Variants in POLR2B observed in about 807,000 individuals in gnomAD.
The protein encoded by POLR2B is DNA-directed RNA polymerase II subunit RPB2.
A neutral mutation model predicts 144.6 loss-of-function variants in POLR2B; 57 were observed. The ratio of observed to expected loss-of-function variants is 0.39; its 90% CI spans 0.32 to 0.49. The LOEUF is 0.49. POLR2B is among the 20% of genes least tolerant of loss of function. The pLI is 0.83. For synonymous variants in POLR2B, 442 were observed against 469.8 expected, an observed-to-expected ratio of 0.94 and a Z score of 0.77; for missense variants, 595 against 1,467.4, an observed-to-expected ratio of 0.41 and a Z score of 9.71.
At chr4:57,029,846 C>G (rs953548664) in intron 23 of POLR2B, among the ~76,000 whole-genome samples, 1 of 152,168 alleles carries the variant, frequency 6.6e-6, no homozygotes, top group African/African-American at 2.4e-5. Context: ...ACTTAAGAAT[C>G]TAATGTATCC....
chr4:56,995,506 G>T, intron 6 of POLR2B, 97 bp downstream of exon 6: 1 of 803,788 alleles, frequency 1.2e-6, no homozygotes, highest in South Asian at 2.5e-5. Flanking sequence ...CTTTTCTGGA[G>T]CATATTGTTG....
chr4:57,029,619 A>G (rs1305583275), intron 23 of POLR2B, among the ~76,000 whole-genome samples: 1 of 152,096 alleles, frequency 6.6e-6, no homozygotes, highest in East Asian at 1.9e-4. Context: ...ACCTATTATC[A>G]TTTACCTGTT....
intron 10 of POLR2B, among the ~76,000 whole-genome samples, chr4:57,007,720 A>T (rs1723065992): frequency 6.6e-6 from 1 of 152,236 alleles, no homozygotes; most frequent in African/African-American, 2.4e-5. Flanking sequence ...TAATGACTGC[A>T]GTAGCTATTC....
chr4:57,008,427 C>T (rs566989163), intron 10 of POLR2B, among the ~76,000 whole-genome samples: 11 of 152,142 alleles, frequency 7.2e-5, no homozygotes, highest in Non-Finnish European at 1.5e-4. Context: ...TGGTCTCGAT[C>T]TCCTGACATC....
chr4:56,984,350 A>G (rs1722252116), intron 1 of POLR2B, among the ~76,000 whole-genome samples: 1 of 151,532 alleles, frequency 6.6e-6, no homozygotes, highest in South Asian at 2.1e-4. Flanking sequence ...TTCAAATTTT[A>G]AAACGTTTAT....
intron 23 of POLR2B, among the ~76,000 whole-genome samples, chr4:57,027,184 T>A (rs1165849093): frequency 6.6e-6 from 1 of 151,522 alleles, no homozygotes; most frequent in Non-Finnish European, 1.5e-5. Context: ...AATTTTTGTA[T>A]TTTTTGTAGA....
In POLR2B at chr4:56,990,843, C is replaced by A; in HGVS notation, c.188C>A (p.Pro63His). 1 of 1,613,776 alleles carries A rather than the reference C, an allele frequency of 6.2e-7. No homozygotes were observed. Among genetic ancestry groups the A allele is most frequent in the East Asian group, 2.2e-5 (1 of 44,860 alleles). Residue 63 changes from proline (P) to histidine (H), a missense_variant, in exon 3 of 25, where the codon CCT (proline) becomes CAT (histidine). Physicochemically the swap from Pro to His is moderately conservative, Grantham distance 77. Around this residue, in one of 9 missense-constraint regions of POLR2B, gnomAD observed 251 missense variants for 567.3 expected, o/e 0.44. Coordinates refer to ENST00000314595, the MANE Select transcript of POLR2B (RefSeq NM_000938.3). ...MSVQRIVEDA[P>H]PIDLQAEAQH... ...GTTCAAAGAATTGTGGAAGACGCTC[C>A]TCCTATAGACCTACAGGCTGAAGCT... is the stretch of plus-strand genomic sequence containing the variant.
chr4:57,009,284 T>C (rs1211860459), intron 10 of POLR2B, among the ~76,000 whole-genome samples: 1 of 152,104 alleles, frequency 6.6e-6, no homozygotes, highest in Non-Finnish European at 1.5e-5. Context: ...AGTGGAGAAG[T>C]GTATTTCATT....
chr4:57,028,518 A>C (rs1416588282), intron 23 of POLR2B, among the ~76,000 whole-genome samples: 3 of 152,108 alleles, frequency 2.0e-5, no homozygotes, highest in Non-Finnish European at 2.9e-5. Context: ...ATTTATTTTC[A>C]CTGCTTCATT....
At chr4:56,983,480 C>G (rs931180646) in intron 1 of POLR2B, among the ~76,000 whole-genome samples, 3 of 143,804 alleles carry the variant, frequency 2.1e-5, no homozygotes, top group African/African-American at 5.2e-5. Context: ...TCAAGTGATT[C>G]TTCGCCTCAG....
intron 3 of POLR2B, among the ~76,000 whole-genome samples, chr4:56,991,142 A>G (rs956406247): frequency 2.0e-5 from 3 of 152,194 alleles, no homozygotes; most frequent in African/African-American, 4.8e-5. Context: ...CTGAAATATG[A>G]ACAAATAAGA....
In POLR2B at chr4:57,010,906, A is replaced by C. The variant is rs1723169180; in HGVS notation, c.1688+19A>C. On this transcript the variant is annotated intron_variant, in intron 12 of 24. Transcript: ENST00000314595. ...TTGCTGAGTGTGTATAGATGGAATT[A>C]GTTTTTTAAACTATAGTTAATCTTT... 1 of 1,600,758 alleles carries C rather than the reference A, an allele frequency of 6.2e-7. No individual in the cohort carries two copies. Among genetic ancestry groups the C allele is most frequent in the Non-Finnish European group, 8.6e-7 (1 of 1,168,472 alleles).
At chr4:56,987,492 T>G (rs906741801) in intron 2 of POLR2B, among the ~76,000 whole-genome samples, 1 of 152,190 alleles carries the variant, frequency 6.6e-6, no homozygotes, top group African/African-American at 2.4e-5. Flanking sequence ...AGCTCCAAGG[T>G]GCATGTCCTT....
At chr4:56,996,519 C>T (rs1361541917) in intron 6 of POLR2B, among the ~76,000 whole-genome samples, 5 of 150,922 alleles carry the variant, frequency 3.3e-5, no homozygotes, top group South Asian at 2.1e-4. Flanking sequence ...CTCCTGACCT[C>T]GTGATCCGCC....
chr4:57,011,815 C>G (rs1031208444), intron 13 of POLR2B, among the ~76,000 whole-genome samples: 1 of 152,074 alleles, frequency 6.6e-6, no homozygotes, highest in Non-Finnish European at 1.5e-5. Context: ...GAGCGAGACT[C>G]CATCTCAAAA....
At chr4:56,990,727 T>G (rs1425504183) in intron 2 of POLR2B, 21 bp from the exon 3 acceptor site, 1 of 1,588,896 alleles carries the variant, frequency 6.3e-7, no homozygotes, top group East Asian at 2.2e-5. Context: ...TGCAACTGAC[T>G]GAACTCAAAT....
chr4:56,981,458 G>C (rs747123964), intron 1 of POLR2B, among the ~76,000 whole-genome samples: 1 of 152,202 alleles, frequency 6.6e-6, no homozygotes, highest in Non-Finnish European at 1.5e-5. Context: ...TGATATGCAC[G>C]TTTAACATTT....
intron 9 of POLR2B, 36 bp downstream of exon 9, chr4:57,005,755 A>G (rs775358584): frequency 6.3e-7 from 1 of 1,596,204 alleles, no homozygotes; most frequent in Non-Finnish European, 8.6e-7. Context: ...TAAAGCAGGG[A>G]GATTTATTTC....
chr4:57,019,045 G>A (rs1174815350), intron 16 of POLR2B, among the ~76,000 whole-genome samples: 1 of 152,094 alleles, frequency 6.6e-6, no homozygotes, highest in Non-Finnish European at 1.5e-5. Flanking sequence ...TTGTAATGGG[G>A]CTCTACCATT....
Sources: gnomAD v4.1 joint callset for allele counts (sites outside exome capture counted in the v4.1 genomes callset) on GRCh38, gnomAD v4.1.1 for gene constraint, gnomAD v4.1.1 regional missense constraint, MANE v1.5 for transcripts, NCBI Gene and HGNC (gene_info 2026-07-23, HGNC 2026-07-21) for gene names.